Variants in SPTAN1 observed in about 807,000 individuals in gnomAD.
SPTAN1 encodes spectrin alpha chain, non-erythrocytic 1.
SPTAN1 carries 61 observed loss-of-function variants against 331.3 expected under a neutral mutation model. That is an observed-to-expected ratio of 0.18 (90% CI 0.15 to 0.23). The LOEUF (loss-of-function observed/expected upper bound fraction) is 0.23. Among genes scored for constraint, SPTAN1 ranks in the 10% least tolerant of loss-of-function variants. SPTAN1 has a pLI of 1.00. For missense variants in SPTAN1, 2,043 were observed against 3,147.9 expected, an observed-to-expected ratio of 0.65 and a Z score of 8.40; for synonymous variants, 1,153 against 1,173.9, an observed-to-expected ratio of 0.98 and a Z score of 0.36.
At position 128,566,963 on chromosome 9, in the gene SPTAN1, C is replaced by G; in HGVS notation, c.223C>G (p.Pro75Ala). The G allele has an allele frequency of 6.2e-7, 1 of 1,614,088 alleles. No homozygotes were observed. The highest frequency in any genetic ancestry group is 8.5e-7 in the Non-Finnish European group (1 of 1,180,030). The change falls in exon 2 of 57, where the codon CCA becomes GCA. Residue 75 changes from proline to alanine, a missense_variant. Around this residue, in one of 12 missense-constraint regions of SPTAN1, gnomAD observed 1,038 missense variants for 1,531.5 expected, o/e 0.68. Coordinates refer to ENST00000372739, the MANE Select transcript of SPTAN1 (RefSeq NM_001130438.3). Reference protein sequence around the residue: ...QIASDENYKDPTNLQGKLQKH... With the variant: ...QIASDENYKDATNLQGKLQKH... ...TGCATCTGATGAGAATTATAAAGAC[C>G]CAACCAACTTGCAGGTACGTCTGAT...
At chr9:128,592,907 C>A in intron 22 of SPTAN1, 76 bp from the exon 23 acceptor site, 3 of 1,352,268 alleles carry the variant, frequency 2.2e-6, no homozygotes, top group East Asian at 5.0e-5. Context: ...TGGCACCAGT[C>A]GGAGCTGCTG....
chr9:128,609,641 G>T lies in SPTAN1; in HGVS notation c.4759-10G>T. ...TACTGAACTCTTGTTCTTTTAATCT[G>T]TTTTTGTAGCTTTCCAAGCTGCTGG... On this transcript the variant is annotated splice_polypyrimidine_tract_variant and intron_variant, in intron 36 of 56. Transcript: ENST00000372739. The T allele has an allele frequency of 6.6e-7, 1 of 1,523,670 alleles. No individual in the cohort carries two copies. The highest frequency in any genetic ancestry group is 1.4e-5 in the African/African-American group (1 of 71,664). 94.4% of individuals were successfully genotyped at this position (1,523,670 alleles called of 1,614,324 possible).
rs967791405 is a variant in SPTAN1, at chr9:128,608,012, A to G, written c.4307A>G (p.Gln1436Arg). The G allele has an allele frequency of 6.8e-6, 11 of 1,614,038 alleles. No homozygotes were observed. Among genetic ancestry groups the G allele is most frequent in the Non-Finnish European group, 9.3e-6 (11 of 1,180,042 alleles). ...ERADLEKAWV[Q>R]RRMMLDQCLE... is the part of the protein sequence containing the mutation. The stretch of plus-strand genomic sequence containing the variant: ...GCAGACCTGGAGAAGGCCTGGGTTC[A>G]GCGCAGGATGATGCTGGATCAGTGC... The change falls in exon 33 of 57, where the codon CAG becomes CGG. Residue 1436 changes from glutamine (Q) to arginine (R), a missense_variant. Transcript: ENST00000372739.
At position 128,577,562 on chromosome 9, in the gene SPTAN1, A is replaced by C; in HGVS notation, c.1085+56A>C. On this transcript the variant is annotated intron_variant, in intron 8 of 56. Transcript: ENST00000372739. This position sits in a 1 kb window ranked among gnomAD's most constrained non-coding sequence, Gnocchi z 4.2. ...ATCATTTGGCTTCTTTTTTGGAAGC[A>C]GGAATAGCAGAGTTAAGGGTCTGTT... is the stretch of plus-strand genomic sequence containing the variant. 1.2e-6 allele frequency: 2 copies of C among 1,607,292 alleles called. No homozygotes were observed. The highest frequency in any genetic ancestry group is 2.2e-5 in the South Asian group (2 of 90,800).
chr9:128,606,750 T>C (rs1338430186), intron 31 of SPTAN1, among the ~76,000 whole-genome samples: 2 of 152,088 alleles, frequency 1.3e-5, no homozygotes, highest in Non-Finnish European at 2.9e-5. Context: ...CCTCCCAAAG[T>C]GCTGGGATTA....
chr9:128,555,877 G>T (rs141354175), intron 1 of SPTAN1, among the ~76,000 whole-genome samples: 1 of 152,080 alleles, frequency 6.6e-6, no homozygotes, highest in Non-Finnish European at 1.5e-5. Context: ...CTGTTGCATT[G>T]ACTTCTTCCA....
Position 128,632,121 on chromosome 9 carries a change from C to T in SPTAN1, c.6763-6C>T, listed in dbSNP as rs543227930. 1 of 1,612,896 alleles carries T rather than the reference C, an allele frequency of 6.2e-7. No homozygotes were observed. The highest frequency in any genetic ancestry group is 1.7e-5 in the Admixed American group (1 of 59,990). On this transcript the variant is annotated splice_region_variant and splice_polypyrimidine_tract_variant and intron_variant, in intron 52 of 56. Transcript: ENST00000372739. Reference sequence around the variant, plus strand: ...GTCTGAGCATCTGTGCTCCCCACCCCTGCAGCGCAAGCACCAGGAAATCCG... The same window carrying T: ...GTCTGAGCATCTGTGCTCCCCACCCTTGCAGCGCAAGCACCAGGAAATCCG...
chr9:128,565,310 C>CA (rs995348249), intron 1 of SPTAN1, among the ~76,000 whole-genome samples: 6 of 151,354 alleles, frequency 4.0e-5, no homozygotes, highest in Admixed American at 6.6e-5. Context: ...AAACAAAAAA[C>CA]AAAAAAAAGC....
intron 20 of SPTAN1, among the ~76,000 whole-genome samples, 184 bp downstream of exon 20, chr9:128,587,882 G>A (rs189363458): frequency 1.2e-4 from 19 of 152,162 alleles, no homozygotes; most frequent in Admixed American, 8.5e-4. Context: ...GTCTCACTCC[G>A]TCGCCTAGGC....
At chr9:128,589,269 C>CT (rs1215621214) in intron 21 of SPTAN1, among the ~76,000 whole-genome samples, 2 of 144,646 alleles carry the variant, frequency 1.4e-5, no homozygotes, top group Admixed American at 7.0e-5. Context: ...CCTGTTGGTT[C>CT]TTTTTTTTTC....
At position 128,598,513 on chromosome 9, in the gene SPTAN1, C is replaced by A; in HGVS notation, c.3519+9C>A. On this transcript the variant is annotated intron_variant, in intron 25 of 56. Transcript: ENST00000372739. ...AGGCTGTGCAACAACAGGTAGGTGT[C>A]TCCATCTTGGAGTGAGGCTCTGTTG... The A allele has an allele frequency of 6.3e-7, 1 of 1,590,930 alleles. No homozygotes were observed. Among genetic ancestry groups the A allele is most frequent in the Non-Finnish European group, 8.6e-7 (1 of 1,164,542 alleles).
At chr9:128,580,247 C>T (rs1357399350) in intron 10 of SPTAN1, among the ~76,000 whole-genome samples, 1 of 151,324 alleles carries the variant, frequency 6.6e-6, no homozygotes, top group Non-Finnish European at 1.5e-5. Flanking sequence ...CACCACTGCA[C>T]TCTGGCTTGA....
rs1852256497 is a variant in SPTAN1 at position 128,583,974 on chromosome 9, T to C, written c.2193+5T>C. The C allele has an allele frequency of 1.2e-6, 2 of 1,614,052 alleles. No individual in the cohort carries two copies. The highest frequency in any genetic ancestry group is 2.2e-5 in the East Asian group (1 of 44,888). ...GCAGATGTGGCTGCTCACCAGGTAG[T>C]GTGAACTGGGGGCTGTGGTTGGGCA... On this transcript the variant is annotated splice_donor_5th_base_variant and intron_variant, in intron 16 of 56. Transcript: ENST00000372739.
At chr9:128,555,770 C>T (rs538486469) in intron 1 of SPTAN1, among the ~76,000 whole-genome samples, 2 of 151,958 alleles carry the variant, frequency 1.3e-5, no homozygotes, top group Admixed American at 6.6e-5. Context: ...AGGGACTAAA[C>T]ATATTATCCT....
At chr9:128,575,847 G>A (rs1448905951) in intron 5 of SPTAN1, among the ~76,000 whole-genome samples, 1 of 152,144 alleles carries the variant, frequency 6.6e-6, no homozygotes, top group East Asian at 1.9e-4. Context: ...GTGCCCACGT[G>A]TACAATCCTG....
intron 21 of SPTAN1, among the ~76,000 whole-genome samples, chr9:128,589,868 C>T (rs1853242259): frequency 6.6e-6 from 1 of 152,240 alleles, no homozygotes; most frequent in African/African-American, 2.4e-5. Context: ...AGCCACCGCG[C>T]CTGGCCGACC....
At chr9:128,564,731 T>C (rs930082933) in intron 1 of SPTAN1, among the ~76,000 whole-genome samples, 1 of 152,134 alleles carries the variant, frequency 6.6e-6, no homozygotes, top group Admixed American at 6.6e-5. Flanking sequence ...GGGTACAGTT[T>C]AGTAAAGAGT....
intron 45 of SPTAN1, among the ~76,000 whole-genome samples, chr9:128,622,487 T>TG (rs1316916952): frequency 6.6e-6 from 1 of 151,522 alleles, no homozygotes; most frequent in African/African-American, 2.4e-5. Flanking sequence ...TTAGTAGAGA[T>TG]GGGGTTTCTC....
chr9:128,623,456 C>G (rs1858215123), intron 45 of SPTAN1, among the ~76,000 whole-genome samples: 1 of 149,370 alleles, frequency 6.7e-6, no homozygotes, highest in Admixed American at 6.7e-5. Flanking sequence ...AATTTCAGCC[C>G]ATTCGTTTTT....
Sources: allele counts gnomAD v4.1 joint callset (sites outside exome capture counted in the v4.1 genomes callset), GRCh38; gene constraint gnomAD v4.1.1; regional missense constraint gnomAD v4.1.1; non-coding constraint Gnocchi (gnomAD v3.1); transcripts MANE v1.5; gene names NCBI Gene and HGNC (gene_info 2026-07-23, HGNC 2026-07-21).